Variants in GET1 observed in about 807,000 individuals in gnomAD.
GET1 encodes the protein guided entry of tail-anchored proteins factor 1, also known as congenital heart disease 5 protein.
In GET1, 20 loss-of-function variants were observed where a neutral mutation model predicts 22.6. That is an observed-to-expected ratio of 0.89 (90% CI 0.62 to 1.29). The LOEUF is 1.29. Ranked by LOEUF, GET1 falls within the 50% of genes most tolerant of loss-of-function variation. GET1 has a pLI of 0.00. For missense variants in GET1, 209 were observed against 219.9 expected, an observed-to-expected ratio of 0.95 and a Z score of 0.31; for synonymous variants, 92 against 83.8, an observed-to-expected ratio of 1.10 and a Z score of -0.53.
chr21:39,406,516 A>G, exon 5 of GET1: 1 of 1,613,348 alleles, frequency 6.2e-7, no homozygotes, highest in Non-Finnish European at 8.5e-7. Context: ...TTTCACAAAA[A>G]TGTTTTTCTT....
intron 1 of GET1, among the ~76,000 whole-genome samples, chr21:39,416,661 A>G (rs932822065): frequency 6.7e-6 from 1 of 149,570 alleles, no homozygotes; most frequent in East Asian, 2.0e-4. Flanking sequence ...TTACTTCTGT[A>G]TTTTTTTTTT....
chr21:39,391,000 AC>A, intron 2 of GET1, 137 bp downstream of exon 2: 1 of 944,774 alleles, frequency 1.1e-6, no homozygotes, highest in Non-Finnish European at 1.5e-6. Flanking sequence ...TCTGGAGGAA[AC>A]TCAGTAATAA....
At chr21:39,398,383 G>A (rs2038752619), downstream of GET1, among the ~76,000 whole-genome samples, 1 of 152,112 alleles carries the variant, frequency 6.6e-6, no homozygotes, top group South Asian at 2.1e-4. Flanking sequence ...GGGAACTGCT[G>A]GGATCACTCA....
In GET1 at chr21:39,380,404, A is replaced by AC; in HGVS notation, c.22dup (p.His8ProfsTer18). 6.2e-7 allele frequency: 1 copy of AC among 1,610,630 alleles called. No individual in the cohort carries two copies. Among genetic ancestry groups the AC allele is most frequent in the South Asian group, 1.1e-5 (1 of 90,294 alleles). On this transcript the variant is annotated frameshift_variant, in exon 1 of 5. Coordinates refer to ENST00000649170, the MANE Select transcript of GET1 (RefSeq NM_004627.6). LOFTEE classifies it high-confidence loss of function. ...TCCGGGATGAGCTCAGCCGCGGCCG[A>AC]CCACTGGGCGTGGTTGCTGGTGCTC...
intron 1 of GET1, chr21:39,380,935 G>GTC: frequency 1.1e-5 from 2 of 187,976 alleles, no homozygotes; most frequent in Non-Finnish European, 2.0e-5. Context: ...GGTAGGGTGG[G>GTC]AGACAGGTGT....
chr21:39,383,309 C>T (rs1287349142), intron 1 of GET1, among the ~76,000 whole-genome samples: 3 of 144,506 alleles, frequency 2.1e-5, no homozygotes, highest in African/African-American at 7.7e-5. Context: ...GAGACAGAGT[C>T]TTGCTCTTGT....
intron 1 of GET1, among the ~76,000 whole-genome samples, chr21:39,413,132 G>T (rs374452042): frequency 5.6e-4 from 86 of 152,324 alleles, no homozygotes; most frequent in African/African-American, 2.0e-3. Context: ...GTACACATCA[G>T]ACAGGGTCCT....
chr21:39,414,742 C>CTCTGTGTG (rs1341489035), intron 1 of GET1, among the ~76,000 whole-genome samples: 90 of 99,224 alleles, frequency 9.1e-4, no homozygotes, highest in African/African-American at 3.2e-3. Context: ...CTCTCTCTCT[C>CTCTGTGTG]TGTGTGTGTG....
At chr21:39,391,012 G>T (rs1023169199) in intron 2 of GET1, 149 bp downstream of exon 2, 1 of 788,374 alleles carries the variant, frequency 1.3e-6, no homozygotes, top group Non-Finnish European at 1.9e-6. Flanking sequence ...TCAGTAATAA[G>T]TATTACTTTC....
chr21:39,381,611 C>T (rs1457593102), intron 1 of GET1, among the ~76,000 whole-genome samples: 2 of 152,194 alleles, frequency 1.3e-5, no homozygotes, highest in African/African-American at 2.4e-5. Flanking sequence ...TAAAAGACTC[C>T]TGATGAGCTG....
At chr21:39,406,517 T>C in exon 5 of GET1, 1 of 1,613,404 alleles carries the variant, frequency 6.2e-7, no homozygotes, top group African/African-American at 1.3e-5. Flanking sequence ...TTCACAAAAA[T>C]GTTTTTCTTT....
intron 1 of GET1, among the ~76,000 whole-genome samples, chr21:39,389,694 C>T (rs1364310527): frequency 5.9e-5 from 9 of 152,298 alleles, no homozygotes; most frequent in African/African-American, 1.9e-4. Flanking sequence ...TTGGGGACCC[C>T]TGTATCACCA....
intron 1 of GET1, chr21:39,386,626 C>T (rs2037922746): frequency 6.6e-6 from 1 of 152,214 alleles, no homozygotes; most frequent in Admixed American, 6.5e-5. Flanking sequence ...TTGGTGGTTC[C>T]TGGGTTTGCC....
intron 4 of GET1, among the ~76,000 whole-genome samples, chr21:39,395,257 C>G (rs183789155): frequency 6.6e-6 from 1 of 152,104 alleles, no homozygotes; most frequent in South Asian, 2.1e-4. Flanking sequence ...ATATTTATTC[C>G]GGTCCTGATT....
rs181948137 is a variant in GET1, at chr21:39,385,319, C to G, written c.102+4833C>G. 2.0e-5 allele frequency among the ~76,000 whole-genome samples: 3 copies of G among 152,160 alleles called. No homozygotes were observed. The East Asian group carries it at 5.8e-4, about 29-fold the overall frequency. Reference sequence around the variant, plus strand: ...CCCGCACTGGTCTCCCCCCTCCCCCCGCGTGAGGCCTTAGGAGGTCTGAAG... The same window carrying G: ...CCCGCACTGGTCTCCCCCCTCCCCCGGCGTGAGGCCTTAGGAGGTCTGAAG... On this transcript the variant is annotated intron_variant, in intron 1 of 4. Transcript: ENST00000649170.
downstream of GET1, among the ~76,000 whole-genome samples, chr21:39,399,339 C>T (rs990808371): frequency 2.0e-5 from 3 of 152,026 alleles, no homozygotes; most frequent in African/African-American, 7.3e-5. Flanking sequence ...GGAAGAAAAA[C>T]CTATGACTCC....
chr21:39,420,780 G>A (rs2042166163), intron 1 of GET1: 9 of 1,613,438 alleles, frequency 5.6e-6, no homozygotes, highest in South Asian at 1.1e-5. Flanking sequence ...AAAGTCTTCC[G>A]AGTCTCAATA....
intron 1 of GET1, chr21:39,422,806 A>G: frequency 1.5e-6 from 1 of 648,602 alleles, no homozygotes; most frequent in Middle Eastern, 4.3e-4. Context: ...TTTTCCTTCA[A>G]ACCACTCCCT....
At chr21:39,385,494 C>T (rs1284148942) in intron 1 of GET1, among the ~76,000 whole-genome samples, 2 of 152,176 alleles carry the variant, frequency 1.3e-5, no homozygotes, top group Non-Finnish European at 2.9e-5. Flanking sequence ...CCCTTCTCTT[C>T]AAGCTGGTCA....
Sources: allele counts gnomAD v4.1 joint callset (sites outside exome capture counted in the v4.1 genomes callset), GRCh38; gene constraint gnomAD v4.1.1; transcripts MANE v1.5; gene names NCBI Gene and HGNC (gene_info 2026-07-23, HGNC 2026-07-21).